Variants in SETD3 observed in about 807,000 individuals in gnomAD.
SETD3 encodes SET domain containing 3, actin N3(tau)-histidine methyltransferase, also known as actin-histidine N-methyltransferase.
SETD3 carries 19 observed loss-of-function variants against 63.0 expected under a neutral mutation model. The observed-to-expected ratio is 0.30, with a 90% CI of 0.21 to 0.44. SETD3 has a LOEUF of 0.44. Among genes scored for constraint, SETD3 ranks in the 20% least tolerant of loss-of-function variants. SETD3 has a pLI of 1.00. For missense variants in SETD3, 587 were observed against 728.5 expected (o/e 0.81, Z 2.24); for synonymous variants, 286 against 264.1 (o/e 1.08, Z -0.80).
intron 6 of SETD3, among the ~76,000 whole-genome samples, chr14:99,421,329 A>G (rs754647340): frequency 6.6e-6 from 1 of 152,022 alleles, no homozygotes. Flanking sequence ...ATATTGTTTT[A>G]GTTTTAATTT....
At chr14:99,466,819 T>C (rs995998574) in intron 1 of SETD3, among the ~76,000 whole-genome samples, 10 of 151,900 alleles carry the variant, frequency 6.6e-5, no homozygotes, top group Non-Finnish European at 1.5e-4. Flanking sequence ...CCAAGGAAGA[T>C]GGAAAAAGTG....
intron 1 of SETD3, among the ~76,000 whole-genome samples, chr14:99,468,864 G>T (rs1895540119): frequency 6.6e-6 from 1 of 152,124 alleles, no homozygotes; most frequent in Non-Finnish European, 1.5e-5. Context: ...CAGGTAACAG[G>T]CTCCTTGAGG....
intron 6 of SETD3, chr14:99,444,170 T>A (rs1893996482): frequency 6.6e-6 from 1 of 152,230 alleles, no homozygotes; most frequent in Non-Finnish European, 1.5e-5. Context: ...AAGGCAAAGC[T>A]GGCAGGCTGG....
At chr14:99,429,454 A>G (rs1893054368) in intron 6 of SETD3, among the ~76,000 whole-genome samples, 1 of 152,200 alleles carries the variant, frequency 6.6e-6, no homozygotes, top group South Asian at 2.1e-4. Context: ...AGAAGCCAAG[A>G]AATCTAAACA....
intron 9 of SETD3, among the ~76,000 whole-genome samples, 161 bp from the exon 10 acceptor site, chr14:99,405,532 G>A (rs1891634533): frequency 6.6e-6 from 1 of 152,176 alleles, no homozygotes; most frequent in African/African-American, 2.4e-5. Flanking sequence ...GTGAAGCTGT[G>A]CAATTTTCCC....
chr14:99,427,417 G>A (rs1418910676), intron 6 of SETD3, among the ~76,000 whole-genome samples: 1 of 152,186 alleles, frequency 6.6e-6, no homozygotes, highest in Non-Finnish European at 1.5e-5. Context: ...CTACTCTTGT[G>A]AGTAAGTGTG....
In SETD3 at chr14:99,458,285, G is replaced by A. The variant is rs370095911; in HGVS notation, c.669C>T (p.Val223=). Residue 223 remains valine (V), a synonymous_variant, in exon 6 of 13, where the codon GTC becomes GTT. Coordinates refer to ENST00000331768, the MANE Select transcript of SETD3 (RefSeq NM_032233.3). ...ATTGCAAACAGCTGCTCACCTGGAT[G>A]ACTTTATAGAAGTAGGCGTACTGTC... ...TARQYAYFYK[V]IQTHPHANKL... is the part of the protein sequence containing the mutation. 9.3e-6 allele frequency: 15 copies of A among 1,610,784 alleles called. No individual in the cohort carries two copies. The African/African-American group carries it at 9.3e-5, about 10-fold the overall frequency.
At chr14:99,417,202 A>G (rs1218535558) in intron 6 of SETD3, among the ~76,000 whole-genome samples, 2 of 152,374 alleles carry the variant, frequency 1.3e-5, no homozygotes, top group East Asian at 3.9e-4. Context: ...AAATTTAAAT[A>G]AAACCTATGG....
Position 99,480,716 on chromosome 14 carries a change from G to A in SETD3, c.-9+12C>T, listed in dbSNP as rs1029341097. On this transcript the variant is annotated intron_variant, in intron 1 of 12. Coordinates refer to ENST00000331768, the MANE Select transcript of SETD3 (RefSeq NM_032233.3). ...GGGCCGCGCGGGCGCAGAGACCGCCGCCAGCACTCACCTGCCCGCTTCCCC... is the reference window on the plus strand; with the variant it reads ...GGGCCGCGCGGGCGCAGAGACCGCCACCAGCACTCACCTGCCCGCTTCCCC... 1 of 151,052 alleles carries A rather than the reference G, an allele frequency of 6.6e-6. No homozygotes were observed. The highest frequency in any genetic ancestry group is 1.5e-5 in the Non-Finnish European group (1 of 67,670). The allele number at this position is 151,052 out of a possible 1,614,324, so 9.4% of individuals were successfully genotyped here. A position where few individuals can be genotyped will look rare whatever the true frequency, so the allele number is the denominator to read the frequency against.
At chr14:99,483,681 C>G (rs1896412679), upstream of SETD3, among the ~76,000 whole-genome samples, 1 of 152,226 alleles carries the variant, frequency 6.6e-6, no homozygotes, top group Non-Finnish European at 1.5e-5. Context: ...GATTCTAATA[C>G]TGTGTGTAGA....
At chr14:99,433,166 T>A (rs1191071170) in intron 6 of SETD3, among the ~76,000 whole-genome samples, 1 of 152,012 alleles carries the variant, frequency 6.6e-6, no homozygotes, top group Non-Finnish European at 1.5e-5. Context: ...AGTTTCTGTT[T>A]GGGGGGATTA....
chr14:99,442,582 T>C (rs1397713856), intron 6 of SETD3, among the ~76,000 whole-genome samples: 1 of 152,232 alleles, frequency 6.6e-6, no homozygotes, highest in African/African-American at 2.4e-5. Flanking sequence ...ATGAAGACCC[T>C]GATGATAACC....
intron 3 of SETD3, among the ~76,000 whole-genome samples, chr14:99,463,030 GT>G (rs1895159891): frequency 6.6e-6 from 1 of 152,046 alleles, no homozygotes; most frequent in Non-Finnish European, 1.5e-5. Context: ...GACTGCATAC[GT>G]CCTGTAAAAA....
intron 1 of SETD3, among the ~76,000 whole-genome samples, chr14:99,479,690 C>T (rs1224171163): frequency 6.6e-6 from 1 of 152,196 alleles, no homozygotes; most frequent in Non-Finnish European, 1.5e-5. Context: ...GTGGCCTCAT[C>T]AGCACCACAA....
upstream of SETD3, among the ~76,000 whole-genome samples, chr14:99,482,571 C>T (rs1183300183): frequency 2.0e-5 from 3 of 152,172 alleles, no homozygotes; most frequent in East Asian, 3.8e-4. Flanking sequence ...AGAGTGACCA[C>T]CGCTGGTGTC....
chr14:99,452,515 G>A (rs1164647714), intron 6 of SETD3, among the ~76,000 whole-genome samples: 2 of 152,204 alleles, frequency 1.3e-5, no homozygotes, highest in African/African-American at 4.8e-5. Flanking sequence ...TGGGAGGACA[G>A]AGCACAGGAA....
chr14:99,398,519 G>A lies in SETD3; in HGVS notation c.*160C>T. ...CAATCTTAATCAAAAAGGGAAGCTAGATTTTTAAAATAACTTAAAAAAACC... is the reference window on the plus strand; with the variant it reads ...CAATCTTAATCAAAAAGGGAAGCTAAATTTTTAAAATAACTTAAAAAAACC... On this transcript the variant is annotated 3_prime_UTR_variant, in exon 13 of 13. Transcript: ENST00000331768. The A allele has an allele frequency of 2.9e-6, 2 of 690,768 alleles. No homozygotes were observed. Among genetic ancestry groups the A allele is most frequent in the Admixed American group, 3.1e-5 (1 of 32,714 alleles). The allele number at this position is 690,768 out of a possible 1,614,324, so 42.8% of individuals were successfully genotyped here.
chr14:99,473,579 A>G lies in SETD3; in HGVS notation c.-9+7149T>C, dbSNP rs529113166. On this transcript the variant is annotated intron_variant, in intron 1 of 12. Transcript: ENST00000331768. ...TTTCAATGTATCCTGCATTGACCCA[A>G]CTTCACAGCTGGGTTGACTAAGGGA... Among the ~76,000 whole-genome samples the G allele has an allele frequency of 1.9e-4, 29 of 152,232 alleles. No individual in the cohort carries two copies. In the South Asian group the frequency reaches 6.0e-3, roughly 32 times the overall value.
At chr14:99,420,514 G>A (rs993395713) in intron 6 of SETD3, among the ~76,000 whole-genome samples, 2 of 152,080 alleles carry the variant, frequency 1.3e-5, no homozygotes, top group Admixed American at 6.5e-5. Flanking sequence ...GGCAACCCCA[G>A]GGGAATCTGA....
Sources: allele counts gnomAD v4.1 joint callset (sites outside exome capture counted in the v4.1 genomes callset), GRCh38; gene constraint gnomAD v4.1.1; transcripts MANE v1.5; gene names NCBI Gene and HGNC (gene_info 2026-07-23, HGNC 2026-07-21).